PTPRN2: variants seen among roughly 807,000 people sequenced by gnomAD.
PTPRN2 encodes the protein protein tyrosine phosphatase receptor type N2.
In PTPRN2, 74 loss-of-function variants were observed where a neutral mutation model predicts 118.8. The observed-to-expected ratio is 0.62, with a 90% CI of 0.52 to 0.76. The LOEUF (loss-of-function observed/expected upper bound fraction) is 0.76, where lower values mean the gene tolerates loss of function less well. PTPRN2 is among the 30% of genes least tolerant of loss of function. The pLI is 0.00. For synonymous variants in PTPRN2, 641 were observed against 608.0 expected, an observed-to-expected ratio of 1.05 and a Z score of -0.80; for missense variants, 1,481 against 1,394.4, an observed-to-expected ratio of 1.06 and a Z score of -0.99.
chr7:158,121,041 C>CT (rs200217610), intron 9 of PTPRN2, among the ~76,000 whole-genome samples: 1,767 of 152,262 alleles, frequency 0.012, 38 homozygotes, highest in African/African-American at 0.041. Context: ...TGAGCCCTTC[C>CT]TTTTTTTCGT....
chr7:158,441,290 G>GGCA, intron 2 of PTPRN2, among the ~76,000 whole-genome samples: 1 of 109,302 alleles, frequency 9.1e-6, no homozygotes, highest in Non-Finnish European at 2.2e-5. Context: ...TGGTGGTGGT[G>GGCA]GTGATGGTGA....
At chr7:158,387,360 G>A (rs1811483506) in intron 2 of PTPRN2, among the ~76,000 whole-genome samples, 1 of 152,270 alleles carries the variant, frequency 6.6e-6, no homozygotes, top group South Asian at 2.1e-4. Flanking sequence ...GGAGGGCTGA[G>A]GTGGGGCCAG....
chr7:157,825,073 T>A (rs1563146709), intron 12 of PTPRN2, among the ~76,000 whole-genome samples: 1 of 152,216 alleles, frequency 6.6e-6, no homozygotes, highest in Non-Finnish European at 1.5e-5. Flanking sequence ...CCAGGCCTGC[T>A]GGTCTTCCTC....
rs1371291274 is a variant in PTPRN2 at position 158,008,086 on chromosome 7, T to TGGGTGTGCTGTGTGTGG, written c.1723+73195_1723+73211dup. On this transcript the variant is annotated intron_variant, in intron 11 of 22. Transcript: ENST00000389418. ...TGTGTGGGTGTGCTGTGTGTGGGTG[T>TGGGTGTGCTGTGTGTGG]GGGTGTGCTGTGTGTGGGGGTGTGC... 4.1e-3 allele frequency among the ~76,000 whole-genome samples: 589 copies of TGGGTGTGCTGTGTGTGG among 142,450 alleles called. 4 individuals are homozygous for TGGGTGTGCTGTGTGTGG. The highest frequency in any genetic ancestry group is 0.015 in the African/African-American group (571 of 37,274). The allele number at this position is 142,450 out of a possible 152,430, so 93.5% of individuals were successfully genotyped here.
At chr7:158,062,647 G>A (rs767258768) in intron 11 of PTPRN2, among the ~76,000 whole-genome samples, 20 of 152,136 alleles carry the variant, frequency 1.3e-4, no homozygotes, top group South Asian at 2.1e-4. Context: ...GCGTGGGCTC[G>A]GCAGGCCCCA....
chr7:157,673,913 G>A (rs1016714059), intron 13 of PTPRN2, among the ~76,000 whole-genome samples: 1 of 152,178 alleles, frequency 6.6e-6, no homozygotes, highest in African/African-American at 2.4e-5. Flanking sequence ...AGACTGGGCC[G>A]ACTCTGATGT....
chr7:158,146,352 C>A (rs1248371390), intron 6 of PTPRN2, among the ~76,000 whole-genome samples: 2 of 152,172 alleles, frequency 1.3e-5, no homozygotes, highest in Non-Finnish European at 2.9e-5. Flanking sequence ...TCCCTCCACC[C>A]ACTAACCTAC....
rs147477906 is a variant in PTPRN2 at position 158,043,960 on chromosome 7, G to A, written c.1723+37338C>T. Among the ~76,000 whole-genome samples the A allele has an allele frequency of 3.3e-5, 5 of 152,332 alleles. No individual in the cohort carries two copies. In the East Asian group the frequency reaches 7.7e-4, roughly 24 times the overall value. On this transcript the variant is annotated intron_variant, in intron 11 of 22. Transcript: ENST00000389418. ...CTAACGTACGCTGACCACGTCACTC[G>A]ACGTGGCAGAGGGAGCAAAGCATAA...
chr7:158,011,240 G>A (rs546306083), intron 11 of PTPRN2, among the ~76,000 whole-genome samples: 5 of 152,286 alleles, frequency 3.3e-5, no homozygotes, highest in South Asian at 2.1e-4. Flanking sequence ...ACATCAGCCC[G>A]TCTTCTCACA....
At chr7:158,077,706 G>A (rs970245209) in intron 11 of PTPRN2, among the ~76,000 whole-genome samples, 1 of 152,156 alleles carries the variant, frequency 6.6e-6, no homozygotes, top group Non-Finnish European at 1.5e-5. Flanking sequence ...ATAAACCACA[G>A]GCAGCCCCAC....
chr7:158,217,879 C>A (rs140802233), intron 3 of PTPRN2, among the ~76,000 whole-genome samples: 8 of 152,038 alleles, frequency 5.3e-5, no homozygotes, highest in African/African-American at 1.9e-4. Context: ...TCAACACAGG[C>A]AGACAAAAAT....
At chr7:158,056,795 T>C (rs1442366141) in intron 11 of PTPRN2, among the ~76,000 whole-genome samples, 1 of 152,200 alleles carries the variant, frequency 6.6e-6, no homozygotes, top group Non-Finnish European at 1.5e-5. Flanking sequence ...ATTGACCCCC[T>C]TGGAGTCCTT....
chr7:158,228,584 C>T (rs1340797428), intron 3 of PTPRN2, among the ~76,000 whole-genome samples: 1 of 151,904 alleles, frequency 6.6e-6, no homozygotes, highest in African/African-American at 2.4e-5. Flanking sequence ...GACACAATCC[C>T]AGCAATGGCC....
chr7:158,376,385 G>A lies in PTPRN2; in HGVS notation c.164-59453C>T, dbSNP rs539857237. ...CCCACAGTCCTGTCACACGTCCTGC[G>A]AGGGGGGGTCAGGGGACTCCCCCAT... On this transcript the variant is annotated intron_variant, in intron 2 of 22. Transcript: ENST00000389418. Among the ~76,000 whole-genome samples the A allele has an allele frequency of 8.5e-4, 119 of 139,584 alleles. 1 individual carries two copies. The highest frequency in any genetic ancestry group is 4.2e-3 in the Middle Eastern group (1 of 238). The allele number at this position is 139,584 out of a possible 152,430, so 91.6% of individuals were successfully genotyped here.
Position 158,245,172 on chromosome 7 carries a change from A to G in PTPRN2, c.278-39899T>C, listed in dbSNP as rs552961400. Among the ~76,000 whole-genome samples, 9 of 101,722 alleles carry G rather than the reference A, an allele frequency of 8.8e-5. No individual in the cohort carries two copies. The South Asian group carries it at 1.1e-3, about 13-fold the overall frequency. The allele number at this position is 101,722 out of a possible 152,430, so 66.7% of individuals were successfully genotyped here. A position where few individuals can be genotyped will look rare whatever the true frequency, so the allele number is the denominator to read the frequency against. On this transcript the variant is annotated intron_variant, in intron 3 of 22. Coordinates refer to ENST00000389418, the MANE Select transcript of PTPRN2 (RefSeq NM_002847.5). ...AGAATCCGTGGCCATGCCGGAATCC[A>G]TGGCCATGCCGGAATCCGTGGTCAT...
At chr7:157,746,142 C>T (rs1796268) in intron 12 of PTPRN2, among the ~76,000 whole-genome samples, 1 of 150,354 alleles carries the variant, frequency 6.7e-6, no homozygotes, top group South Asian at 2.1e-4. Context: ...GGCCTCCCTA[C>T]ACCCCACAGT....
rs1392569827 is a variant in PTPRN2 at position 157,908,208 on chromosome 7, C to T, written c.1724-9471G>A. On this transcript the variant is annotated intron_variant, in intron 11 of 22. Coordinates refer to ENST00000389418, the MANE Select transcript of PTPRN2 (RefSeq NM_002847.5). ...TGCCTGGCTCTTCCATCCATGGTGC[C>T]GGGCCCGGCCTGGGAGGGGCTGCAC... Among the ~76,000 whole-genome samples, 9 of 152,242 alleles carry T rather than the reference C, an allele frequency of 5.9e-5. 1 individual carries two copies. The South Asian group carries it at 1.5e-3, about 25-fold the overall frequency.
At chr7:157,655,592 C>T (rs955291219) in intron 14 of PTPRN2, among the ~76,000 whole-genome samples, 3 of 152,226 alleles carry the variant, frequency 2.0e-5, no homozygotes, top group East Asian at 3.9e-4. Flanking sequence ...GCCGCTGCTT[C>T]GGCCAAGCAG....
intron 3 of PTPRN2, among the ~76,000 whole-genome samples, chr7:158,215,542 T>C (rs940565935): frequency 2.0e-5 from 3 of 151,988 alleles, no homozygotes; most frequent in Non-Finnish European, 4.4e-5. Context: ...CCAAACAGGG[T>C]AAACCCAAAT....
Sources: allele counts gnomAD v4.1 joint callset (sites outside exome capture counted in the v4.1 genomes callset), GRCh38; gene constraint gnomAD v4.1.1; transcripts MANE v1.5; gene names NCBI Gene and HGNC (gene_info 2026-07-23, HGNC 2026-07-21).